MLIP: variants seen among roughly 807,000 people sequenced by gnomAD.
MLIP encodes muscular LMNA-interacting protein.
MLIP carries 79 observed loss-of-function variants against 84.8 expected under a neutral mutation model. That is an observed-to-expected ratio of 0.93 (90% CI 0.78 to 1.12). The LOEUF (loss-of-function observed/expected upper bound fraction) is 1.12, where lower values mean the gene tolerates loss of function less well. Among genes scored for constraint, MLIP ranks in the 50% most tolerant of loss-of-function variants. The pLI is 0.00. For missense variants in MLIP, 1,257 were observed against 1,160.6 expected, an observed-to-expected ratio of 1.08 and a Z score of -1.21; for synonymous variants, 504 against 463.0, an observed-to-expected ratio of 1.09 and a Z score of -1.14.
At chr6:54,159,516 T>C (rs980155242) in intron 5 of MLIP, among the ~76,000 whole-genome samples, 3 of 151,912 alleles carry the variant, frequency 2.0e-5, no homozygotes, top group Non-Finnish European at 2.9e-5. Context: ...TGCAGTAGAG[T>C]CAACGCTTGC....
intron 11 of MLIP, among the ~76,000 whole-genome samples, chr6:54,214,629 TTC>T (rs1340242274): frequency 6.6e-6 from 1 of 152,220 alleles, no homozygotes; most frequent in Non-Finnish European, 1.5e-5. Context: ...ACCCAGTTTT[TTC>T]TCTGTCAAAG....
chr6:54,196,950 G>A (rs183056999), intron 10 of MLIP, among the ~76,000 whole-genome samples: 123 of 152,146 alleles, frequency 8.1e-4, no homozygotes, highest in African/African-American at 2.8e-3. Flanking sequence ...ATGTTTAAAC[G>A]GACATTTGAA....
intron 11 of MLIP, among the ~76,000 whole-genome samples, chr6:54,208,310 G>A (rs970029633): frequency 7.2e-5 from 11 of 152,112 alleles, no homozygotes; most frequent in South Asian, 2.1e-4. Context: ...TGTTGGCTGC[G>A]TGCAGTGGCT....
At chr6:54,120,166 C>T (rs1770310467) in intron 1 of MLIP, among the ~76,000 whole-genome samples, 1 of 152,326 alleles carries the variant, frequency 6.6e-6, no homozygotes, top group Admixed American at 6.5e-5. Flanking sequence ...TTCTCTTTCT[C>T]CCTTTCCATT....
chr6:54,027,528 T>C (rs74935582), intron 1 of MLIP, among the ~76,000 whole-genome samples: 5,264 of 152,256 alleles, frequency 0.035, 297 homozygotes, highest in African/African-American at 0.11. Flanking sequence ...GACACAGATA[T>C]CTTAGTTCCT....
intron 5 of MLIP, among the ~76,000 whole-genome samples, chr6:54,154,158 C>T (rs1049446257): frequency 6.6e-6 from 1 of 152,026 alleles, no homozygotes; most frequent in Non-Finnish European, 1.5e-5. Flanking sequence ...ATATTCTTTA[C>T]TAAATGTTCA....
At chr6:54,203,334 TGAATACAGTCAG>T (rs1778819007) in intron 11 of MLIP, among the ~76,000 whole-genome samples, 1 of 152,126 alleles carries the variant, frequency 6.6e-6, no homozygotes, top group Non-Finnish European at 1.5e-5. Flanking sequence ...GAAAACTTTC[TGAATACAGTCAG>T]GACATGTAAG....
intron 12 of MLIP, among the ~76,000 whole-genome samples, chr6:54,243,453 TG>T (rs1355915305): frequency 6.6e-6 from 1 of 152,214 alleles, no homozygotes; most frequent in African/African-American, 2.4e-5. Flanking sequence ...TTATCTGAAC[TG>T]GGGGGAAAAA....
Position 54,090,661 on chromosome 6 carries a change from A to ATGTGTG in MLIP, c.64-30767_64-30762dup, listed in dbSNP as rs145816939. ...AAGTATTGTATCTGTGTGTGTGTGT[A>ATGTGTG]TGTGTGTGTGTGTGTGTGTGTGTGA... On this transcript the variant is annotated intron_variant, in intron 1 of 12. Coordinates refer to the MLIP transcript ENST00000274897. Among the ~76,000 whole-genome samples the ATGTGTG allele has an allele frequency of 1.2e-3, 183 of 147,294 alleles. No individual in the cohort carries two copies. In the South Asian group the frequency reaches 0.012, roughly 10 times the overall value.
intron 11 of MLIP, among the ~76,000 whole-genome samples, chr6:54,209,414 G>C (rs1397398463): frequency 6.6e-6 from 1 of 152,172 alleles, no homozygotes; most frequent in African/African-American, 2.4e-5. Flanking sequence ...GTGAAGTTCA[G>C]CCTATGGAGA....
intron 5 of MLIP, among the ~76,000 whole-genome samples, chr6:54,159,926 A>G (rs966739882): frequency 1.3e-5 from 2 of 152,206 alleles, no homozygotes; most frequent in East Asian, 1.9e-4. Context: ...ACTTCAAACT[A>G]TACTACAAGG....
chr6:54,131,700 T>C (rs565519764), intron 3 of MLIP, among the ~76,000 whole-genome samples: 2 of 152,292 alleles, frequency 1.3e-5, no homozygotes, highest in East Asian at 1.9e-4. Context: ...ATGGGAAATA[T>C]AGGATCAAGA....
At chr6:54,209,808 C>T (rs1484886431) in intron 11 of MLIP, among the ~76,000 whole-genome samples, 1 of 152,192 alleles carries the variant, frequency 6.6e-6, no homozygotes, top group African/African-American at 2.4e-5. Context: ...ACATTTAGTG[C>T]TGTATAGCAC....
chr6:54,235,318 A>C (rs1467031232), intron 12 of MLIP, among the ~76,000 whole-genome samples: 1 of 152,078 alleles, frequency 6.6e-6, no homozygotes, highest in Non-Finnish European at 1.5e-5. Flanking sequence ...TTCCCATATA[A>C]AATACTCTTC....
chr6:54,186,935 G>A (rs776352170), intron 9 of MLIP, among the ~76,000 whole-genome samples: 2 of 152,100 alleles, frequency 1.3e-5, no homozygotes, highest in Non-Finnish European at 2.9e-5. Context: ...CTTTCACTGT[G>A]TAACAAGTTT....
intron 1 of MLIP, chr6:54,059,115 TCAGTGTATTCAGAGACTTGTCTAAGGGC>T (rs1432523874): frequency 2.6e-4 from 39 of 152,368 alleles, no homozygotes; most frequent in African/African-American, 9.1e-4. Context: ...GAGATTTGAA[TCAGTGTATTCAGAGACTTGTCTAAGGGC>T]CTACCTAGCT....
chr6:54,059,021 T>C (rs1765814185), intron 1 of MLIP: 1 of 152,178 alleles, frequency 6.6e-6, no homozygotes, highest in Non-Finnish European at 1.5e-5. Context: ...ATTCTACAAG[T>C]CTATAAGGCA....
chr6:54,209,914 T>C (rs1779302381), intron 11 of MLIP, among the ~76,000 whole-genome samples: 2 of 152,132 alleles, frequency 1.3e-5, no homozygotes, highest in Non-Finnish European at 1.5e-5. Context: ...TTTTTTTTTT[T>C]ACAATAAGGC....
intron 3 of MLIP, among the ~76,000 whole-genome samples, chr6:54,130,585 A>T (rs975928658): frequency 1.3e-5 from 2 of 152,166 alleles, no homozygotes; most frequent in Non-Finnish European, 2.9e-5. Context: ...GTAGTAGGCT[A>T]GGCACTAGAC....
Sources: gnomAD v4.1 joint callset for allele counts (sites outside exome capture counted in the v4.1 genomes callset) on GRCh38, gnomAD v4.1.1 for gene constraint, MANE v1.5 for transcripts, NCBI Gene and HGNC (gene_info 2026-07-23, HGNC 2026-07-21) for gene names.